Variants in CDH18 observed in about 807,000 individuals in gnomAD.
The protein encoded by CDH18 is cadherin 18, also known as cadherin-18.
A neutral mutation model predicts 67.9 loss-of-function variants in CDH18; 31 were observed. The ratio of observed to expected loss-of-function variants is 0.46; its 90% confidence interval spans 0.34 to 0.62. The LOEUF (loss-of-function observed/expected upper bound fraction) is 0.62. Among genes scored for constraint, CDH18 ranks in the 20% least tolerant of loss-of-function variants. The probability of loss-of-function intolerance (pLI) is 0.01; values close to 1 mark genes in which losing one functional copy is unlikely to be tolerated. For synonymous variants in CDH18, 362 were observed against 347.2 expected, an observed-to-expected ratio of 1.04 and a Z score of -0.48; for missense variants, 890 against 975.5, an observed-to-expected ratio of 0.91 and a Z score of 1.17.
chr5:19,528,409 A>ACG (rs1748077220), intron 9 of CDH18, among the ~76,000 whole-genome samples: 1 of 151,710 alleles, frequency 6.6e-6, no homozygotes, highest in South Asian at 2.1e-4. Flanking sequence ...TAATTATAAT[A>ACG]AAAATTTCCT....
intron 1 of CDH18, among the ~76,000 whole-genome samples, chr5:20,469,230 T>TA (rs375148806): frequency 1.3e-3 from 191 of 152,310 alleles, no homozygotes; most frequent in African/African-American, 4.3e-3. Flanking sequence ...AATCCATAAA[T>TA]ATCACAAGTC....
At chr5:19,797,610 T>C (rs1263707168) in intron 3 of CDH18, among the ~76,000 whole-genome samples, 1 of 152,026 alleles carries the variant, frequency 6.6e-6, no homozygotes, top group Non-Finnish European at 1.5e-5. Context: ...TACTGCCACA[T>C]GTAATAAAAC....
chr5:19,960,582 TGTGTGTGTATATATATATATACACACAC>T (rs1392904830), intron 2 of CDH18, among the ~76,000 whole-genome samples: 5 of 119,568 alleles, frequency 4.2e-5, no homozygotes, highest in East Asian at 2.3e-4. Flanking sequence ...TGTGTGTGTG[TGTGTGTGTATATATATATATACACACAC>T]GTGTATATAT....
At chr5:20,201,667 G>T (rs2126756993) in intron 2 of CDH18, among the ~76,000 whole-genome samples, 1 of 152,072 alleles carries the variant, frequency 6.6e-6, no homozygotes, top group South Asian at 2.1e-4. Context: ...ATGAATAAAA[G>T]AACATTATTT....
chr5:19,876,973 A>AC (rs1787077600), intron 2 of CDH18, among the ~76,000 whole-genome samples: 1 of 152,044 alleles, frequency 6.6e-6, no homozygotes, highest in Non-Finnish European at 1.5e-5. Context: ...CATTTGCTCT[A>AC]CCCATCTGGT....
intron 11 of CDH18, among the ~76,000 whole-genome samples, chr5:19,502,000 CAATT>C (rs778607859): frequency 2.8e-4 from 43 of 152,128 alleles, no homozygotes; most frequent in Non-Finnish European, 5.4e-4. Flanking sequence ...ATGTGAGAGA[CAATT>C]AAGCTTTAAA....
At chr5:19,994,855 T>TATAGAGAGAGAGAGAGAGAGAGAGAGAG (rs760777430) in intron 2 of CDH18, among the ~76,000 whole-genome samples, 2 of 67,584 alleles carry the variant, frequency 3.0e-5, no homozygotes, top group Non-Finnish European at 2.5e-5. Flanking sequence ...TATATATATA[T>TATAGAGAGAGAGAGAGAGAGAGAGAGAG]AGAGAGAGAG....
At chr5:19,658,703 C>T (rs1325808611) in intron 5 of CDH18, among the ~76,000 whole-genome samples, 1 of 151,018 alleles carries the variant, frequency 6.6e-6, no homozygotes, top group East Asian at 1.9e-4. Context: ...GCACAACTTG[C>T]AGGTTTGTTA....
intron 1 of CDH18, among the ~76,000 whole-genome samples, chr5:20,276,625 A>G (rs967667960): frequency 3.9e-5 from 6 of 152,320 alleles, no homozygotes; most frequent in African/African-American, 1.2e-4. Flanking sequence ...GATAAACTTG[A>G]GAAAAGGAGA....
chr5:20,125,027 G>C (rs923924488), intron 2 of CDH18, among the ~76,000 whole-genome samples: 3 of 152,188 alleles, frequency 2.0e-5, no homozygotes, highest in South Asian at 2.1e-4. Context: ...AATTGACAGA[G>C]AGGAGGATGA....
chr5:20,541,923 T>C (rs10077843), intron 1 of CDH18, among the ~76,000 whole-genome samples: 6,182 of 152,210 alleles, frequency 0.041, 409 homozygotes, highest in African/African-American at 0.13. Flanking sequence ...GGTTATTGAA[T>C]ATCTCAAAGT....
intron 2 of CDH18, among the ~76,000 whole-genome samples, chr5:20,038,991 C>CA (rs752781949): frequency 2.6e-5 from 4 of 152,188 alleles, no homozygotes; most frequent in Non-Finnish European, 5.9e-5. Context: ...GCAACTTCAT[C>CA]AAAGTCTCAG....
intron 2 of CDH18, among the ~76,000 whole-genome samples, chr5:20,108,756 T>C (rs1747205659): frequency 6.6e-6 from 1 of 152,154 alleles, no homozygotes; most frequent in Non-Finnish European, 1.5e-5. Context: ...GCCATTATCA[T>C]CCTTATCATA....
chr5:20,305,559 G>C, intron 1 of CDH18: 1 of 686,806 alleles, frequency 1.5e-6, no homozygotes. Flanking sequence ...GCGGGGCTGA[G>C]GGCGCTCGGC....
chr5:19,722,729 C>T (rs981248234), intron 4 of CDH18, among the ~76,000 whole-genome samples: 1 of 151,740 alleles, frequency 6.6e-6, no homozygotes, highest in Non-Finnish European at 1.5e-5. Flanking sequence ...ATGGTGCATA[C>T]TTGATATTTT....
intron 1 of CDH18, among the ~76,000 whole-genome samples, chr5:20,466,384 G>A (rs1360864624): frequency 3.3e-5 from 5 of 151,910 alleles, no homozygotes; most frequent in Admixed American, 6.6e-5. Context: ...GTTCTTTATC[G>A]GAAAATCAAT....
intron 1 of CDH18, among the ~76,000 whole-genome samples, chr5:20,397,323 G>C (rs1221953934): frequency 6.6e-6 from 1 of 151,960 alleles, no homozygotes; most frequent in Non-Finnish European, 1.5e-5. Context: ...GTAGAGACGG[G>C]GTTTTGCCAC....
intron 2 of CDH18, among the ~76,000 whole-genome samples, chr5:19,871,828 G>A (rs1279503709): frequency 6.6e-6 from 1 of 152,108 alleles, no homozygotes; most frequent in South Asian, 2.1e-4. Flanking sequence ...CCTTTGGCAA[G>A]AACACAGCAA....
chr5:19,844,015 G>A (rs556834069), intron 2 of CDH18, among the ~76,000 whole-genome samples: 3 of 152,272 alleles, frequency 2.0e-5, no homozygotes, highest in South Asian at 2.1e-4. Context: ...TTGTATCTAT[G>A]AAAGAACTAA....
Sources: gnomAD v4.1 joint callset for allele counts (sites outside exome capture counted in the v4.1 genomes callset) on GRCh38, gnomAD v4.1.1 for gene constraint, MANE v1.5 for transcripts, NCBI Gene and HGNC (gene_info 2026-07-23, HGNC 2026-07-21) for gene names.